The following SORBS2 variants were observed in gnomAD, a reference collection of about 807,000 sequenced individuals.
SORBS2 encodes sorbin and SH3 domain-containing protein 2.
Under a neutral mutation model 97.7 loss-of-function variants are expected in SORBS2, and 46 were observed. That is an observed-to-expected ratio of 0.47 (90% CI 0.37 to 0.60). The LOEUF is 0.60. Among genes scored for constraint, SORBS2 ranks in the 20% least tolerant of loss-of-function variants. The pLI, the probability that SORBS2 is intolerant of heterozygous loss-of-function variation, is 0.00. For synonymous variants in SORBS2, 476 were observed against 473.4 expected (o/e 1.01, Z -0.07); for missense variants, 1,316 against 1,282.3 (o/e 1.03, Z -0.40).
chr4:185,702,042 T>C (rs776720580), intron 2 of SORBS2, among the ~76,000 whole-genome samples: 3 of 152,190 alleles, frequency 2.0e-5, no homozygotes, highest in Non-Finnish European at 4.4e-5. Context: ...GTGCTAGGAT[T>C]ACAGGTGTGA....
intron 13 of SORBS2, chr4:185,591,883 T>C (rs2095948336): frequency 6.6e-6 from 1 of 152,202 alleles, no homozygotes; most frequent in South Asian, 2.1e-4. Flanking sequence ...TCCAAATTTA[T>C]TTACCATTCT....
intron 6 of SORBS2, among the ~76,000 whole-genome samples, chr4:185,625,715 A>G (rs1202704920): frequency 1.3e-5 from 2 of 152,226 alleles, no homozygotes; most frequent in Non-Finnish European, 2.9e-5. Context: ...GAAAGATGTG[A>G]TGGATGGGGC....
intron 4 of SORBS2, among the ~76,000 whole-genome samples, chr4:185,641,108 T>A (rs370350466): frequency 2.7e-5 from 4 of 148,254 alleles, no homozygotes; most frequent in Admixed American, 6.7e-5. Flanking sequence ...ATATACCAAG[T>A]CCTGATTTAT....
intron 2 of SORBS2, among the ~76,000 whole-genome samples, chr4:185,701,095 A>C (rs2098255186): frequency 6.6e-6 from 1 of 152,226 alleles, no homozygotes; most frequent in East Asian, 1.9e-4. Flanking sequence ...TAGTTGGCAT[A>C]TTTTAACATA....
chr4:185,888,610 T>C (rs1217847140), intron 1 of SORBS2, among the ~76,000 whole-genome samples: 1 of 152,256 alleles, frequency 6.6e-6, no homozygotes, highest in Non-Finnish European at 1.5e-5. Flanking sequence ...TTCTTTCTTC[T>C]AGAGTTTGTT....
chr4:185,754,818 G>A (rs2098821410), intron 2 of SORBS2, among the ~76,000 whole-genome samples: 1 of 152,230 alleles, frequency 6.6e-6, no homozygotes, highest in Admixed American at 6.5e-5. Context: ...TAGCTGAGAG[G>A]AGCGAGAATG....
At chr4:185,712,531 C>T (rs554444086) in intron 2 of SORBS2, among the ~76,000 whole-genome samples, 21 of 152,370 alleles carry the variant, frequency 1.4e-4, no homozygotes, top group African/African-American at 4.8e-4. Flanking sequence ...CCCTCGCTGG[C>T]GGGGGTAGCT....
chr4:185,763,411 C>T (rs574869650), intron 2 of SORBS2, among the ~76,000 whole-genome samples: 1 of 152,296 alleles, frequency 6.6e-6, no homozygotes, highest in South Asian at 2.1e-4. Context: ...CCTCCAATCA[C>T]CTGCCCTGGC....
At chr4:185,889,572 T>A (rs1042220312) in intron 1 of SORBS2, among the ~76,000 whole-genome samples, 2 of 152,154 alleles carry the variant, frequency 1.3e-5, no homozygotes, top group Non-Finnish European at 2.9e-5. Flanking sequence ...TTCAAAATGT[T>A]TAAAATCGGT....
intron 1 of SORBS2, among the ~76,000 whole-genome samples, chr4:185,794,153 T>G (rs149694401): frequency 6.6e-6 from 1 of 152,358 alleles, no homozygotes; most frequent in East Asian, 1.9e-4. Context: ...AATTGTTTCT[T>G]AAGTATAACA....
At chr4:185,640,402 T>C (rs573323614) in intron 4 of SORBS2, among the ~76,000 whole-genome samples, 17 of 152,210 alleles carry the variant, frequency 1.1e-4, no homozygotes, top group Non-Finnish European at 7.4e-5. Flanking sequence ...TTCTTTTAAA[T>C]ATTATTTTGC....
chr4:185,662,035 A>T (rs533866548), intron 5 of SORBS2, 69 bp downstream of exon 8: 1 of 1,568,032 alleles, frequency 6.4e-7, no homozygotes, highest in Non-Finnish European at 8.7e-7. Flanking sequence ...GATGCCGCAT[A>T]TCTTTCTCCT....
chr4:185,790,992 T>C (rs35113488), intron 1 of SORBS2, among the ~76,000 whole-genome samples: 80,664 of 152,016 alleles, frequency 0.53, 23,196 homozygotes, highest in Non-Finnish European at 0.66. Flanking sequence ...ATCATGAGTA[T>C]GGGGGAAAAA....
At chr4:185,700,776 G>T (rs552335434) in intron 2 of SORBS2, among the ~76,000 whole-genome samples, 2 of 152,224 alleles carry the variant, frequency 1.3e-5, no homozygotes, top group South Asian at 4.2e-4. Flanking sequence ...TTGCCCTTTT[G>T]TTCAGCAAAA....
intron 1 of SORBS2, among the ~76,000 whole-genome samples, chr4:185,826,690 C>T (rs144513155): frequency 4.7e-4 from 71 of 152,274 alleles, no homozygotes; most frequent in Middle Eastern, 6.8e-3. Context: ...AATGAAATCA[C>T]ACTAATTTAT....
intron 1 of SORBS2, chr4:185,656,548 C>T (rs1003674366): frequency 8.2e-7 from 1 of 1,224,162 alleles, no homozygotes; most frequent in Non-Finnish European, 1.2e-6. Context: ...CACACCCCAG[C>T]TTTACATGGG....
intron 2 of SORBS2, among the ~76,000 whole-genome samples, chr4:185,694,711 C>T (rs79159961): frequency 0.52 from 65,459 of 126,592 alleles, 17,712 homozygotes; most frequent in East Asian, 0.71. Flanking sequence ...TCTTTCTTTT[C>T]TTTTCTTTTT....
chr4:185,688,616 T>C (rs1046131006), intron 2 of SORBS2, among the ~76,000 whole-genome samples: 1 of 152,186 alleles, frequency 6.6e-6, no homozygotes, highest in South Asian at 2.1e-4. Flanking sequence ...TATCTATCTA[T>C]CTATCATCAT....
intron 2 of SORBS2, among the ~76,000 whole-genome samples, chr4:185,762,149 A>G (rs2098898212): frequency 6.6e-6 from 1 of 152,230 alleles, no homozygotes; most frequent in South Asian, 2.1e-4. Flanking sequence ...TGTAAGTAGA[A>G]TCAATGAGTA....
Sources: gnomAD v4.1 joint callset for allele counts (sites outside exome capture counted in the v4.1 genomes callset) on GRCh38, gnomAD v4.1.1 for gene constraint, MANE v1.5 for transcripts, NCBI Gene and HGNC (gene_info 2026-07-23, HGNC 2026-07-21) for gene names.